MAST4: variants seen among roughly 807,000 people sequenced by gnomAD.
MAST4 encodes the protein microtubule-associated serine/threonine-protein kinase 4.
Under a neutral mutation model 162.7 loss-of-function variants are expected in MAST4, and 89 were observed. The observed-to-expected ratio is 0.55, with a 90% CI of 0.46 to 0.65. The LOEUF is 0.65. Ranked by LOEUF, MAST4 falls within the 30% of genes least tolerant of loss-of-function variation. The pLI is 0.00. For missense variants in MAST4, 3,153 were observed against 3,374.0 expected (o/e 0.93, Z 1.62); for synonymous variants, 1,479 against 1,361.1 (o/e 1.09, Z -1.91).
In MAST4 at chr5:66,851,183, TTATC is replaced by T. The variant is rs1026945347; in HGVS notation, c.643-48766_643-48763del. On this transcript the variant is annotated intron_variant, in intron 3 of 28. Coordinates refer to ENST00000403625, the MANE Select transcript of MAST4 (RefSeq NM_001164664.2). ...TTATTGTAAGAGCCATAATCTAATC[TTATC>T]TGTCTATTATGTCCAAACATTCTGT... 1.3e-4 allele frequency among the ~76,000 whole-genome samples: 20 copies of T among 152,362 alleles called. 1 individual carries two copies. Among genetic ancestry groups the T allele is most frequent in the African/African-American group, 4.8e-4 (20 of 41,596 alleles).
intron 4 of MAST4, among the ~76,000 whole-genome samples, chr5:66,903,543 G>A (rs987611206): frequency 6.6e-5 from 10 of 152,152 alleles, no homozygotes; most frequent in Non-Finnish European, 1.3e-4. Flanking sequence ...AATATCTACA[G>A]TGGCAGACAC....
At chr5:67,049,923 C>T (rs947603658) in intron 4 of MAST4, among the ~76,000 whole-genome samples, 1 of 152,206 alleles carries the variant, frequency 6.6e-6, no homozygotes, top group Non-Finnish European at 1.5e-5. Context: ...GGATGGCTAA[C>T]AGGTTCTTCT....
At chr5:67,045,949 A>C (rs1333436369) in intron 4 of MAST4, among the ~76,000 whole-genome samples, 4 of 152,198 alleles carry the variant, frequency 2.6e-5, no homozygotes, top group African/African-American at 7.2e-5. Context: ...ATGTGACTGA[A>C]GTCCCTACTC....
chr5:66,954,713 C>T, intron 4 of MAST4, among the ~76,000 whole-genome samples: 1 of 152,050 alleles, frequency 6.6e-6, no homozygotes, highest in East Asian at 1.9e-4. Context: ...CAACCCTGGC[C>T]AACATGGTGA....
At chr5:66,983,240 C>G (rs1164624068) in intron 4 of MAST4, among the ~76,000 whole-genome samples, 1 of 152,138 alleles carries the variant, frequency 6.6e-6, no homozygotes, top group African/African-American at 2.4e-5. Flanking sequence ...GGTGAGATCC[C>G]TGGTCAAACC....
At chr5:66,745,974 A>G (rs1752733481) in intron 1 of MAST4, among the ~76,000 whole-genome samples, 1 of 152,222 alleles carries the variant, frequency 6.6e-6, no homozygotes. Flanking sequence ...GAAGCACAGC[A>G]CATAGGCAGT....
intron 1 of MAST4, among the ~76,000 whole-genome samples, chr5:66,598,532 T>C (rs1306829743): frequency 6.6e-6 from 1 of 152,184 alleles, no homozygotes; most frequent in Non-Finnish European, 1.5e-5. Flanking sequence ...CTAGCGGAGA[T>C]GATCAAACCC....
At chr5:67,060,962 T>C (rs1428343033) in intron 5 of MAST4, among the ~76,000 whole-genome samples, 1 of 152,222 alleles carries the variant, frequency 6.6e-6, no homozygotes, top group Non-Finnish European at 1.5e-5. Context: ...GTTTATAGGC[T>C]ATGTTGCCAT....
At chr5:66,690,162 C>A (rs978167120) in intron 1 of MAST4, among the ~76,000 whole-genome samples, 1 of 152,130 alleles carries the variant, frequency 6.6e-6, no homozygotes, top group Non-Finnish European at 1.5e-5. Context: ...CTTTTTATAT[C>A]TCAGTTTTGT....
At chr5:66,787,452 G>A (rs552279365) in intron 2 of MAST4, among the ~76,000 whole-genome samples, 1 of 152,314 alleles carries the variant, frequency 6.6e-6, no homozygotes, top group African/African-American at 2.4e-5. Context: ...TAAAGCAGTG[G>A]ACTTCTTCAC....
chr5:66,853,452 T>C (rs1188769451), intron 3 of MAST4, among the ~76,000 whole-genome samples: 1 of 152,224 alleles, frequency 6.6e-6, no homozygotes, highest in East Asian at 1.9e-4. Context: ...CATGAATAAG[T>C]GAGAAAGAAC....
At chr5:66,794,001 T>A (rs995554613) in intron 3 of MAST4, among the ~76,000 whole-genome samples, 2 of 152,192 alleles carry the variant, frequency 1.3e-5, no homozygotes, top group African/African-American at 4.8e-5. Flanking sequence ...CATAGTAGGG[T>A]GCTCAGTGAA....
intron 2 of MAST4, among the ~76,000 whole-genome samples, chr5:66,769,783 C>A (rs1754280398): frequency 6.6e-6 from 1 of 152,088 alleles, no homozygotes; most frequent in African/African-American, 2.4e-5. Flanking sequence ...AAATTTGGCA[C>A]CATTTGAAAT....
At chr5:67,090,793 G>A (rs908021839) in intron 6 of MAST4, among the ~76,000 whole-genome samples, 2 of 151,856 alleles carry the variant, frequency 1.3e-5, no homozygotes, top group African/African-American at 4.8e-5. Context: ...GTCACACCAT[G>A]TTCATTGTGG....
rs116590573 is a variant in MAST4 at position 67,006,669 on chromosome 5, C to A, written c.675-47735C>A. Among the ~76,000 whole-genome samples the A allele has an allele frequency of 9.5e-3, 1,454 of 152,288 alleles. 19 individuals carry two copies. Among genetic ancestry groups the A allele is most frequent in the African/African-American group, 0.034 (1,406 of 41,550 alleles). On this transcript the variant is annotated intron_variant, in intron 4 of 28. Coordinates refer to ENST00000403625, the MANE Select transcript of MAST4 (RefSeq NM_001164664.2). ...CCGTAGAGCAGTTGGAGCCTTTCTTCTTCCTACCTACCTGTTGATAGTATT... is the reference window on the plus strand; with the variant it reads ...CCGTAGAGCAGTTGGAGCCTTTCTTATTCCTACCTACCTGTTGATAGTATT...
intron 3 of MAST4, among the ~76,000 whole-genome samples, chr5:66,801,469 G>A (rs1454778737): frequency 6.6e-6 from 1 of 152,186 alleles, no homozygotes; most frequent in Non-Finnish European, 1.5e-5. Flanking sequence ...AAGAAGAGAT[G>A]TTAAAAAATG....
intron 2 of MAST4, among the ~76,000 whole-genome samples, chr5:66,774,448 G>A (rs1449592084): frequency 1.3e-5 from 2 of 152,166 alleles, no homozygotes; most frequent in Non-Finnish European, 2.9e-5. Context: ...TGTATAAACT[G>A]ATCATGAAGC....
In MAST4 at chr5:67,121,035, A is replaced by G. The variant is rs909809079; in HGVS notation, c.1678A>G (p.Lys560Glu). 3.7e-6 allele frequency: 6 copies of G among 1,611,020 alleles called. No homozygotes were observed. Among genetic ancestry groups the G allele is most frequent in the Non-Finnish European group, 5.1e-6 (6 of 1,178,660 alleles). Residue 560 changes from lysine to glutamate, a missense_variant, in exon 14 of 29, where the codon AAA (lysine) becomes GAA (glutamate). Coordinates refer to ENST00000403625, the MANE Select transcript of MAST4 (RefSeq NM_001164664.2). ...TTCCAAGAGCTCTAATGCCTCCCTGAAACTTCGAAGGAAACCTCGGGAAAG... is the reference window on the plus strand; with the variant it reads ...TTCCAAGAGCTCTAATGCCTCCCTGGAACTTCGAAGGAAACCTCGGGAAAG... ...ESVSSSNASL[K>E]LRRKPRESDF...
intron 4 of MAST4, among the ~76,000 whole-genome samples, chr5:66,906,005 T>G (rs945132627): frequency 6.6e-6 from 1 of 152,202 alleles, no homozygotes; most frequent in Non-Finnish European, 1.5e-5. Flanking sequence ...AGAATGTAGA[T>G]TTTTCTCCAC....
Sources: allele counts gnomAD v4.1 joint callset (sites outside exome capture counted in the v4.1 genomes callset), GRCh38; gene constraint gnomAD v4.1.1; transcripts MANE v1.5; gene names NCBI Gene and HGNC (gene_info 2026-07-23, HGNC 2026-07-21).